The following NOVA1 variants were observed in gnomAD, a reference collection of about 807,000 sequenced individuals.
The protein encoded by NOVA1 is NOVA alternative splicing regulator 1.
NOVA1 carries 7 observed loss-of-function variants against 38.0 expected under a neutral mutation model. That is an observed-to-expected ratio of 0.18 (90% confidence interval 0.10 to 0.35). The LOEUF is 0.35. Ranked by LOEUF, NOVA1 falls within the 10% of genes least tolerant of loss-of-function variation. NOVA1 has a pLI of 1.00. For synonymous variants in NOVA1, 270 were observed against 232.5 expected (o/e 1.16, Z -1.47); for missense variants, 460 against 616.0 (o/e 0.75, Z 2.68).
rs779353771 is a variant in NOVA1 at position 26,470,834 on chromosome 14, TG to T, written c.519+1485del. ...AAAATCATTCGTTTTATTTGTATTG[TG>T]GTTGTGTTTGTCACGTTTACATTTG... On this transcript the variant is annotated intron_variant, in intron 4 of 4. Coordinates refer to ENST00000539517, the MANE Select transcript of NOVA1 (RefSeq NM_002515.3). Among the ~76,000 whole-genome samples the T allele has an allele frequency of 2.0e-5, 3 of 152,196 alleles. No individual in the cohort carries two copies. In the East Asian group the frequency reaches 5.8e-4, roughly 29 times the overall value.
At chr14:26,533,594 T>G (rs925265373) in intron 2 of NOVA1, among the ~76,000 whole-genome samples, 5 of 152,214 alleles carry the variant, frequency 3.3e-5, no homozygotes, top group Admixed American at 2.6e-4. Flanking sequence ...GTTCATGTAT[T>G]CAACCATTTT....
chr14:26,523,590 A>G (rs1323895493), intron 2 of NOVA1, among the ~76,000 whole-genome samples: 1 of 152,230 alleles, frequency 6.6e-6, no homozygotes, highest in Non-Finnish European at 1.5e-5. Context: ...GCAACTACTC[A>G]ACTGCCATTG....
chr14:26,575,741 G>A (rs1394927964), intron 2 of NOVA1, among the ~76,000 whole-genome samples: 1 of 151,802 alleles, frequency 6.6e-6, no homozygotes, highest in Non-Finnish European at 1.5e-5. Context: ...GTGATAAAAT[G>A]CATGATTAGA....
chr14:26,492,320 A>G (rs1186591487), intron 2 of NOVA1, among the ~76,000 whole-genome samples: 2 of 152,126 alleles, frequency 1.3e-5, no homozygotes, highest in African/African-American at 4.8e-5. Flanking sequence ...AGATAGTGGT[A>G]CTTCTTCCTT....
At chr14:26,586,346 T>A (rs1893513945) in intron 2 of NOVA1, among the ~76,000 whole-genome samples, 1 of 151,274 alleles carries the variant, frequency 6.6e-6, no homozygotes, top group African/African-American at 2.4e-5. Context: ...AAAACAGTGA[T>A]GTTTTCAAAT....
Position 26,595,476 on chromosome 14 carries a change from T to C in NOVA1, c.214A>G (p.Ile72Val), listed in dbSNP as rs1566568773. 3 of 1,613,950 alleles carry C rather than the reference T, an allele frequency of 1.9e-6. No homozygotes were observed. The highest frequency in any genetic ancestry group is 1.1e-5 in the South Asian group (1 of 91,072). Residue 72 changes from isoleucine to valine, a missense_variant, in exon 2 of 5, where the codon ATT becomes GTT. By Grantham distance (29) the Ile-to-Val change is conservative (BLOSUM62 3). Transcript: ENST00000539517. The part of the protein sequence containing the change: ...GSIIGKGGQT[I>V]VQLQKETGAT... ...CCAGTTTCTTTTTGCAACTGAACAA[T>C]TGTCTGTCCTCCCTTCCCAATTATA...
intron 2 of NOVA1, among the ~76,000 whole-genome samples, chr14:26,504,526 G>C (rs1887480499): frequency 6.6e-6 from 1 of 152,132 alleles, no homozygotes; most frequent in Non-Finnish European, 1.5e-5. Flanking sequence ...TCCTAAATAA[G>C]AAAGATGGGT....
At chr14:26,498,669 C>T (rs1383328115) in intron 2 of NOVA1, among the ~76,000 whole-genome samples, 14 of 152,048 alleles carry the variant, frequency 9.2e-5, no homozygotes, top group Admixed American at 9.2e-4. Flanking sequence ...ACAAACACAA[C>T]CCAATTTGAC....
intron 2 of NOVA1, among the ~76,000 whole-genome samples, chr14:26,534,773 T>C (rs1241082484): frequency 6.6e-6 from 1 of 152,064 alleles, no homozygotes; most frequent in Non-Finnish European, 1.5e-5. Context: ...ATGGATTATC[T>C]GAGTGAGCCC....
At chr14:26,541,175 G>T (rs1379767770) in intron 2 of NOVA1, among the ~76,000 whole-genome samples, 1 of 152,116 alleles carries the variant, frequency 6.6e-6, no homozygotes, top group Admixed American at 6.6e-5. Flanking sequence ...TGCTGAATCT[G>T]TCATACTTTA....
chr14:26,597,561 T>A lies in NOVA1; in HGVS notation c.-125A>T, dbSNP rs1190407150. On this transcript the variant is annotated 5_prime_UTR_variant, in exon 1 of 5. Transcript: ENST00000539517. ...GGGGTTTCTTAAGGTTTTTTTTTTTTAATCGGATCAATATAAATCTCTTTA... is the reference window on the plus strand; with the variant it reads ...GGGGTTTCTTAAGGTTTTTTTTTTTAAATCGGATCAATATAAATCTCTTTA... The A allele has an allele frequency of 8.1e-7, 1 of 1,227,532 alleles. No individual in the cohort carries two copies. Among genetic ancestry groups the A allele is most frequent in the African/African-American group, 1.6e-5 (1 of 63,252 alleles). The allele number at this position is 1,227,532 out of a possible 1,614,324, so 76.0% of individuals were successfully genotyped here.
intron 2 of NOVA1, among the ~76,000 whole-genome samples, chr14:26,518,900 A>C (rs1448371868): frequency 6.6e-6 from 1 of 152,080 alleles, no homozygotes; most frequent in African/African-American, 2.4e-5. Flanking sequence ...ACGATTTTTC[A>C]TGTGTAAAAT....
chr14:26,588,424 C>G (rs1893660343), intron 2 of NOVA1: 1 of 151,188 alleles, frequency 6.6e-6, no homozygotes, highest in Non-Finnish European at 1.5e-5. Flanking sequence ...TGTTAAAAAC[C>G]TCAAGACATT....
At chr14:26,544,779 T>G (rs1347102383) in intron 2 of NOVA1, among the ~76,000 whole-genome samples, 1 of 151,904 alleles carries the variant, frequency 6.6e-6, no homozygotes, top group South Asian at 2.1e-4. Context: ...TAACAGCACT[T>G]AAACAGCATT....
At chr14:26,566,410 G>C (rs973762198) in intron 2 of NOVA1, among the ~76,000 whole-genome samples, 2 of 152,034 alleles carry the variant, frequency 1.3e-5, no homozygotes, top group Non-Finnish European at 2.9e-5. Context: ...ACCTTGGAAA[G>C]TGATTTAATT....
At chr14:26,498,226 A>ATT (rs1303293493) in intron 2 of NOVA1, among the ~76,000 whole-genome samples, 4 of 142,608 alleles carry the variant, frequency 2.8e-5, no homozygotes, top group African/African-American at 1.0e-4. Flanking sequence ...CGCCCAGTTA[A>ATT]TTTTTTTTTT....
intron 2 of NOVA1, among the ~76,000 whole-genome samples, chr14:26,500,098 G>C (rs1445443704): frequency 6.6e-6 from 1 of 151,984 alleles, no homozygotes; most frequent in Non-Finnish European, 1.5e-5. Context: ...TACCAGAGAA[G>C]TGTTACCTGG....
rs746928976 is a variant in NOVA1, at chr14:26,448,630, C to G, written c.853G>C (p.Ala285Pro). Residue 285 changes from alanine to proline, a missense_variant, in exon 5 of 5, where the codon GCT (alanine) becomes CCT (proline). Ala to Pro is a conservative substitution (Grantham distance 27, BLOSUM62 -1). Coordinates refer to ENST00000539517, the MANE Select transcript of NOVA1 (RefSeq NM_002515.3). This position sits in a 1 kb window ranked among gnomAD's most constrained non-coding sequence, Gnocchi z 5.3. ...TAEVLPTAAA[A>P]AGLLGHANLA... ...TTAGCATGTCCTAATAGCCCTGCAGCTGCTGCAGCAGTTGGTAACACTTCA... is the reference window on the plus strand; with the variant it reads ...TTAGCATGTCCTAATAGCCCTGCAGGTGCTGCAGCAGTTGGTAACACTTCA... 2 of 1,614,248 alleles carry G rather than the reference C, an allele frequency of 1.2e-6. No individual in the cohort carries two copies. Among genetic ancestry groups the G allele is most frequent in the Non-Finnish European group, 8.5e-7 (1 of 1,180,044 alleles).
At chr14:26,449,537 G>GACA (rs1351610066) in intron 4 of NOVA1, among the ~76,000 whole-genome samples, 1 of 151,832 alleles carries the variant, frequency 6.6e-6, no homozygotes, top group African/African-American at 2.4e-5. Flanking sequence ...CAGAGATAAA[G>GACA]GTCAGTAAAA....
Sources: allele counts gnomAD v4.1 joint callset (sites outside exome capture counted in the v4.1 genomes callset), GRCh38; gene constraint gnomAD v4.1.1; non-coding constraint Gnocchi (gnomAD v3.1); transcripts MANE v1.5; gene names NCBI Gene and HGNC (gene_info 2026-07-23, HGNC 2026-07-21).